ZFYVE19: variants seen among roughly 807,000 people sequenced by gnomAD.
The protein encoded by ZFYVE19 is zinc finger FYVE-type containing 19, also known as abscission/NoCut checkpoint regulator.
A neutral mutation model predicts 62.8 loss-of-function variants in ZFYVE19; 49 were observed. The observed-to-expected ratio is 0.78, with a 90% CI of 0.62 to 0.99. The LOEUF (loss-of-function observed/expected upper bound fraction) is 0.99, where lower values mean the gene tolerates loss of function less well. ZFYVE19 is among the 50% of genes least tolerant of loss of function. The pLI, the probability that ZFYVE19 is intolerant of heterozygous loss-of-function variation, is 0.00. For missense variants in ZFYVE19, 630 were observed against 601.9 expected, an observed-to-expected ratio of 1.05 and a Z score of -0.49; for synonymous variants, 242 against 234.3, an observed-to-expected ratio of 1.03 and a Z score of -0.30.
intron 8 of ZFYVE19, 119 bp from the exon 9 acceptor site, chr15:40,813,594 G>C: frequency 8.4e-7 from 1 of 1,188,128 alleles, no homozygotes; most frequent in Non-Finnish European, 1.2e-6. Flanking sequence ...AGCAGCCACA[G>C]GCCACAAGTA....
At position 40,807,564 on chromosome 15, in the gene ZFYVE19, A is replaced by C. The variant is rs1890287102; in HGVS notation, c.-26A>C. 1 of 1,606,696 alleles carries C rather than the reference A, an allele frequency of 6.2e-7. No homozygotes were observed. The highest frequency in any genetic ancestry group is 1.7e-5 in the Admixed American group (1 of 59,352). On this transcript the variant is annotated 5_prime_UTR_variant, in exon 1 of 11. Coordinates refer to ENST00000355341, the MANE Select transcript of ZFYVE19 (RefSeq NM_001077268.2). ...TTGTGTTCTGGGTCAGGCTTGACTGACTCTGAGGGAGGCCGGCAGTCGTGA... is the reference window on the plus strand; with the variant it reads ...TTGTGTTCTGGGTCAGGCTTGACTGCCTCTGAGGGAGGCCGGCAGTCGTGA...
In ZFYVE19 at chr15:40,814,491, A is replaced by G; in HGVS notation, c.*265A>G. On this transcript the variant is annotated 3_prime_UTR_variant, in exon 11 of 11. Coordinates refer to ENST00000355341, the MANE Select transcript of ZFYVE19 (RefSeq NM_001077268.2). ...AGAGACCAGACTGAATCTACGGGTG[A>G]GCCCTGTAACCTGGCTCTAGGGCAC... The G allele has an allele frequency of 1.9e-6, 1 of 527,036 alleles. No individual in the cohort carries two copies. The allele number at this position is 527,036 out of a possible 1,614,324, so 32.6% of individuals were successfully genotyped here.
At chr15:40,809,711 G>A (rs1449060499) in intron 3 of ZFYVE19, 141 bp from the exon 4 acceptor site, 1 of 995,700 alleles carries the variant, frequency 1.0e-6, no homozygotes, top group Non-Finnish European at 1.5e-6. Context: ...AGGGTGACAT[G>A]AGTGAGGGGC....
At chr15:40,811,809 C>G (rs1387246535) in intron 6 of ZFYVE19, among the ~76,000 whole-genome samples, 1 of 152,228 alleles carries the variant, frequency 6.6e-6, no homozygotes, top group Non-Finnish European at 1.5e-5. Flanking sequence ...AGCTATTAAG[C>G]TGCAGAGATG....
chr15:40,809,822 T>C (rs773715906), intron 3 of ZFYVE19, 30 bp from the exon 4 acceptor site: 2 of 1,609,930 alleles, frequency 1.2e-6, no homozygotes, highest in South Asian at 1.1e-5. Context: ...CTCTGCCTTC[T>C]TCAAGAGCCT....
In ZFYVE19 at chr15:40,807,682, G is replaced by T. The variant is rs367836774; in HGVS notation, c.93G>T (p.Gly31=). The T allele has an allele frequency of 1.9e-6, 3 of 1,609,656 alleles. No individual in the cohort carries two copies. The highest frequency in any genetic ancestry group is 2.5e-6 in the Non-Finnish European group (3 of 1,178,930). The part of the protein sequence containing the change: ...ASGFPALGRG[G]TVPVGVWGGA... ...GATTCCCTGCTCTAGGTCGCGGCGG[G>T]ACAGTGCCAGTGGGCGTGTGGGGCG... The change falls in exon 1 of 11, where the codon GGG becomes GGT. Residue 31 remains glycine, a synonymous_variant. Transcript: ENST00000355341.
Position 40,813,541 on chromosome 15 carries a change from C to T in ZFYVE19, c.1110+124C>T, listed in dbSNP as rs1288855134. On this transcript the variant is annotated intron_variant, in intron 8 of 10. Coordinates refer to ENST00000355341, the MANE Select transcript of ZFYVE19 (RefSeq NM_001077268.2). ...GTTCTCTTTGGGCCCCCTCCTGTGA[C>T]CCAGACCCAGACCTGCCCACTGGTC... 3 of 1,170,430 alleles carry T rather than the reference C, an allele frequency of 2.6e-6. No individual in the cohort carries two copies. The East Asian group carries it at 7.7e-5, about 30-fold the overall frequency. The allele number at this position is 1,170,430 out of a possible 1,614,324, so 72.5% of individuals were successfully genotyped here. A position where few individuals can be genotyped will look rare whatever the true frequency, so the allele number is the denominator to read the frequency against.
At position 40,807,856 on chromosome 15, in the gene ZFYVE19, C is replaced by T. The variant is rs926051740; in HGVS notation, c.267C>T (p.Leu89=). ...RCYGCAVKFT[L]FKKEYGCKNC... Reference sequence around the variant, plus strand: ...ACGGCTGCGCTGTCAAGTTCACCCTCTTCAAGAAGGAGGCGAGTCTTCCCT... The same window carrying T: ...ACGGCTGCGCTGTCAAGTTCACCCTTTTCAAGAAGGAGGCGAGTCTTCCCT... The change falls in exon 1 of 11, where the codon CTC becomes CTT. Residue 89 remains leucine (L), a synonymous_variant. Coordinates refer to ENST00000355341, the MANE Select transcript of ZFYVE19 (RefSeq NM_001077268.2). The T allele has an allele frequency of 1.3e-6, 2 of 1,535,892 alleles. No homozygotes were observed. The highest frequency in any genetic ancestry group is 1.7e-6 in the Non-Finnish European group (2 of 1,149,414).
At chr15:40,812,615 GA>G (rs1890529414) in intron 6 of ZFYVE19, 83 bp from the exon 7 acceptor site, 2 of 944,460 alleles carry the variant, frequency 2.1e-6, no homozygotes, top group Non-Finnish European at 3.2e-6. Flanking sequence ...AAAAAGAAAA[GA>G]AAAGGTTGAG....
Position 40,814,323 on chromosome 15 carries a change from C to T in ZFYVE19, c.*97C>T. On this transcript the variant is annotated 3_prime_UTR_variant, in exon 11 of 11. Coordinates refer to ENST00000355341, the MANE Select transcript of ZFYVE19 (RefSeq NM_001077268.2). ...GTCCGATGGGAGAGCTTGTCTGGCT[C>T]TACTGATGATGGATAGGCCCCTTCC... 7.2e-7 allele frequency: 1 copy of T among 1,381,686 alleles called. No individual in the cohort carries two copies. The highest frequency in any genetic ancestry group is 1.0e-6 in the Non-Finnish European group (1 of 996,194). 85.6% of individuals were successfully genotyped at this position (1,381,686 alleles called of 1,614,324 possible).
intron 6 of ZFYVE19, chr15:40,810,965 C>T (rs1445747160): frequency 1.8e-6 from 1 of 561,736 alleles, no homozygotes; most frequent in African/African-American, 1.9e-5. Context: ...CAGTGATTCC[C>T]ATTTCTACCA....
chr15:40,809,751 A>C, intron 3 of ZFYVE19, 101 bp from the exon 4 acceptor site: 1 of 1,323,338 alleles, frequency 7.6e-7, no homozygotes, highest in Non-Finnish European at 1.1e-6. Context: ...AGGCCTCCCT[A>C]AGTGCCCAGA....
Position 40,810,056 on chromosome 15 carries a change from C to A in ZFYVE19, c.572-15C>A, listed in dbSNP as rs1890430640. The stretch of plus-strand genomic sequence containing the variant: ...GCCTCTGGCCCTTACAAGGCTCCCC[C>A]CATGCCAATTGCAGAGTTAGTCCCC... On this transcript the variant is annotated splice_polypyrimidine_tract_variant and intron_variant, in intron 4 of 10. Transcript: ENST00000355341. 6.2e-7 allele frequency: 1 copy of A among 1,614,066 alleles called. No homozygotes were observed. The highest frequency in any genetic ancestry group is 1.3e-5 in the African/African-American group (1 of 74,942).
Position 40,813,328 on chromosome 15 carries a change from C to T in ZFYVE19, c.1031-10C>T, listed in dbSNP as rs781307688. On this transcript the variant is annotated splice_polypyrimidine_tract_variant and intron_variant, in intron 7 of 10. Transcript: ENST00000355341. ...CCCCCATCCCCTGTTCCCATGTCTCCCTCTTCAAGTGACCCTCCAGGACTA... is the reference window on the plus strand; with the variant it reads ...CCCCCATCCCCTGTTCCCATGTCTCTCTCTTCAAGTGACCCTCCAGGACTA... 1 of 1,613,002 alleles carries T rather than the reference C, an allele frequency of 6.2e-7. No individual in the cohort carries two copies. Among genetic ancestry groups the T allele is most frequent in the Admixed American group, 1.7e-5 (1 of 59,932 alleles).
rs201570267 is a variant in ZFYVE19, at chr15:40,813,445, C to A, written c.1110+28C>A. 1.5e-5 allele frequency: 23 copies of A among 1,574,694 alleles called. No individual in the cohort carries two copies. In the African/African-American group the frequency reaches 2.6e-4, roughly 18 times the overall value. On this transcript the variant is annotated intron_variant, in intron 8 of 10. Coordinates refer to ENST00000355341, the MANE Select transcript of ZFYVE19 (RefSeq NM_001077268.2). ...GGGCCTGGATTACCCACCTGCCACCCCTTGTCCCGTCTCCGCCTCATTGCC... is the reference window on the plus strand; with the variant it reads ...GGGCCTGGATTACCCACCTGCCACCACTTGTCCCGTCTCCGCCTCATTGCC...
In ZFYVE19 at chr15:40,807,149, AC is replaced by A; in HGVS notation, c.-438del. On this transcript the variant is annotated 5_prime_UTR_variant, in exon 1 of 11. Coordinates refer to ENST00000355341, the MANE Select transcript of ZFYVE19 (RefSeq NM_001077268.2). Reference sequence around the variant, plus strand: ...CAGGGGCCACGGGGAGAGCACAGCCACCCGGCGCGAAGAGCCCTCTGTACCC... The same window carrying A: ...CAGGGGCCACGGGGAGAGCACAGCCACCGGCGCGAAGAGCCCTCTGTACCC... 1 of 1,169,284 alleles carries A rather than the reference AC, an allele frequency of 8.6e-7. No homozygotes were observed. The highest frequency in any genetic ancestry group is 1.6e-5 in the South Asian group (1 of 63,110). The allele number at this position is 1,169,284 out of a possible 1,614,324, so 72.4% of individuals were successfully genotyped here. A position where few individuals can be genotyped will look rare whatever the true frequency, so the allele number is the denominator to read the frequency against.
At chr15:40,813,847 C>T in intron 9 of ZFYVE19, 36 bp downstream of exon 9, 1 of 1,602,880 alleles carries the variant, frequency 6.2e-7, no homozygotes. Flanking sequence ...CCCAGGCTCC[C>T]CCCAGCCTTG....
chr15:40,812,551 A>C (rs1244030301), intron 6 of ZFYVE19, 148 bp from the exon 7 acceptor site: 4 of 683,862 alleles, frequency 5.8e-6, no homozygotes. Flanking sequence ...ATCTCAAAAA[A>C]AAAAAAAAAG....
chr15:40,808,926 C>G (rs3743033), intron 1 of ZFYVE19, 193 bp from the exon 2 acceptor site: 214,426 of 641,370 alleles, frequency 0.33, 38,464 homozygotes, highest in South Asian at 0.48. Flanking sequence ...CTTCATTTGG[C>G]TTGAATAAGG....
Sources: gnomAD v4.1 joint callset for allele counts (sites outside exome capture counted in the v4.1 genomes callset) on GRCh38, gnomAD v4.1.1 for gene constraint, MANE v1.5 for transcripts, NCBI Gene and HGNC (gene_info 2026-07-23, HGNC 2026-07-21) for gene names.